Variants in WDR59 observed in about 807,000 individuals in gnomAD.
WDR59 encodes the protein WD repeat domain 59, also known as GATOR2 complex protein WDR59.
In WDR59, 100 loss-of-function variants were observed where a neutral mutation model predicts 131.2. That is an observed-to-expected ratio of 0.76 (90% CI 0.65 to 0.90). The LOEUF (loss-of-function observed/expected upper bound fraction) is 0.90, where lower values mean the gene tolerates loss of function less well. Among genes scored for constraint, WDR59 ranks in the 40% least tolerant of loss-of-function variants. The pLI is 0.00. For synonymous variants in WDR59, 601 were observed against 466.2 expected (o/e 1.29, Z -3.72); for missense variants, 1,203 against 1,262.2 (o/e 0.95, Z 0.71).
At chr16:74,913,766 CG>C (rs1473720663) in intron 13 of WDR59, among the ~76,000 whole-genome samples, 3 of 152,008 alleles carry the variant, frequency 2.0e-5, no homozygotes, top group African/African-American at 7.3e-5. Context: ...GGGATTGCCA[CG>C]GGCTGAGGGA....
At chr16:74,943,472 C>G (rs988676618) in intron 6 of WDR59, among the ~76,000 whole-genome samples, 1 of 152,172 alleles carries the variant, frequency 6.6e-6, no homozygotes, top group African/African-American at 2.4e-5. Flanking sequence ...TCTGCCAATA[C>G]AGAGTGTCAT....
At position 74,959,470 on chromosome 16, in the gene WDR59, A is replaced by T. The variant is rs568254212; in HGVS notation, c.105-2860T>A. The T allele has an allele frequency of 1.2e-4, 52 of 438,286 alleles. 1 individual carries two copies. Among genetic ancestry groups the T allele is most frequent in the South Asian group, 8.3e-4 (51 of 61,742 alleles). The allele number at this position is 438,286 out of a possible 1,614,324, so 27.1% of individuals were successfully genotyped here. On this transcript the variant is annotated intron_variant, in intron 2 of 25. Coordinates refer to ENST00000262144, the MANE Select transcript of WDR59 (RefSeq NM_030581.4). The stretch of plus-strand genomic sequence containing the variant: ...GATAGGGACTAATGCAACAGAAAGG[A>T]AAAAAGCCTTCATGGTTGGAAGCAG...
At position 74,980,478 on chromosome 16, in the gene WDR59, C is replaced by T. The variant is rs549708543; in HGVS notation, c.54+4486G>A. ...AAGTGACTCTCCTGCCTCAGCCTCC[C>T]GAGTAGGTGGAATTACAGGCACACG... On this transcript the variant is annotated intron_variant, in intron 1 of 25. Transcript: ENST00000262144. 2.0e-4 allele frequency among the ~76,000 whole-genome samples: 30 copies of T among 151,114 alleles called. No homozygotes were observed. The East Asian group carries it at 3.8e-3, about 19-fold the overall frequency.
At chr16:74,974,018 A>G (rs2034089714) in intron 1 of WDR59, among the ~76,000 whole-genome samples, 1 of 152,144 alleles carries the variant, frequency 6.6e-6, no homozygotes, top group Non-Finnish European at 1.5e-5. Flanking sequence ...AAAAATACAA[A>G]AATTAGCTGG....
chr16:74,885,582 T>G, intron 25 of WDR59, 71 bp downstream of exon 25: 15 of 1,522,986 alleles, frequency 9.8e-6, no homozygotes, highest in Non-Finnish European at 1.2e-5. Context: ...ATTCCAAGTC[T>G]GAGGCTGTGG....
chr16:74,915,249 C>T (rs947605842), intron 13 of WDR59, among the ~76,000 whole-genome samples: 3 of 152,104 alleles, frequency 2.0e-5, no homozygotes, highest in Non-Finnish European at 4.4e-5. Flanking sequence ...TGCCAAATCA[C>T]TAAGCCTCCA....
chr16:74,965,847 T>C lies in WDR59; in HGVS notation c.55-25A>G, dbSNP rs765076264. ...CCTGAGAGAGAGAACACAGAGTCAGTGCTGCCAGCAAACCCAGCCGGGGAT... is the reference window on the plus strand; with the variant it reads ...CCTGAGAGAGAGAACACAGAGTCAGCGCTGCCAGCAAACCCAGCCGGGGAT... On this transcript the variant is annotated intron_variant, in intron 1 of 25. Transcript: ENST00000262144. 6.2e-6 allele frequency: 10 copies of C among 1,613,942 alleles called. No homozygotes were observed. The Admixed American group carries it at 1.0e-4, about 16-fold the overall frequency.
chr16:74,952,990 G>T (rs568595130), intron 3 of WDR59, among the ~76,000 whole-genome samples: 46 of 152,114 alleles, frequency 3.0e-4, no homozygotes, highest in Non-Finnish European at 5.6e-4. Flanking sequence ...TGGAGGGTCT[G>T]CTAGTGCCAG....
chr16:74,949,978 C>A, intron 4 of WDR59, 180 bp from the exon 5 acceptor site: 1 of 668,116 alleles, frequency 1.5e-6, no homozygotes, highest in Non-Finnish European at 2.8e-6. Context: ...TGGAAGGAAA[C>A]TGTCAGGTCC....
chr16:74,945,334 G>A (rs990612631), intron 6 of WDR59, among the ~76,000 whole-genome samples: 8 of 151,384 alleles, frequency 5.3e-5, no homozygotes, highest in East Asian at 2.0e-4. Flanking sequence ...AAAATTAGCC[G>A]GGCATGGTGG....
chr16:74,906,125 T>A (rs1965800891), intron 17 of WDR59, among the ~76,000 whole-genome samples: 1 of 151,674 alleles, frequency 6.6e-6, no homozygotes, highest in South Asian at 2.1e-4. Context: ...CCATCCTGGC[T>A]AACACGGTGA....
intron 11 of WDR59, among the ~76,000 whole-genome samples, chr16:74,916,763 G>A (rs1021016591): frequency 1.3e-5 from 2 of 151,710 alleles, no homozygotes; most frequent in Non-Finnish European, 2.9e-5. Flanking sequence ...GGAGGCTGAG[G>A]CAGGAGAATC....
Position 74,881,372 on chromosome 16 carries a change from T to G in WDR59, c.2689+4281A>C, listed in dbSNP as rs576141459. ...GTATTTTTTTTCTTTAATTTTTTTT[T>G]TTTTAGAGACAGTTTCTCCATGTTG... On this transcript the variant is annotated intron_variant, in intron 25 of 25. Transcript: ENST00000262144. Among the ~76,000 whole-genome samples the G allele has an allele frequency of 2.0e-5, 3 of 152,192 alleles. No individual in the cohort carries two copies. In the South Asian group the frequency reaches 6.2e-4, roughly 32 times the overall value.
At chr16:74,964,747 T>C (rs1035554414) in intron 2 of WDR59, among the ~76,000 whole-genome samples, 1 of 152,064 alleles carries the variant, frequency 6.6e-6, no homozygotes, top group East Asian at 1.9e-4. Flanking sequence ...AAGGGGACCA[T>C]GACCATCAAA....
rs1416909876 is a variant in WDR59 at position 74,885,651 on chromosome 16, A to C, written c.2689+2T>G. ...AAGGAAGAGAGAGAAATTCATACTC[A>C]CCGATCCCTTTGTGAGGGTCAGGAG... On this transcript the variant is annotated splice_donor_variant, in intron 25 of 25. Transcript: ENST00000262144. LOFTEE classifies it high-confidence loss of function. 6 of 1,613,796 alleles carry C rather than the reference A, an allele frequency of 3.7e-6. No individual in the cohort carries two copies. Among genetic ancestry groups the C allele is most frequent in the Non-Finnish European group, 5.1e-6 (6 of 1,179,910 alleles).
intron 6 of WDR59, among the ~76,000 whole-genome samples, chr16:74,945,594 T>G (rs1261756823): frequency 1.3e-5 from 2 of 152,102 alleles, no homozygotes; most frequent in African/African-American, 4.8e-5. Context: ...GCAGCCAGTC[T>G]ATGTCTCAGA....
chr16:74,913,434 TTTGTTG>T (rs369822780), intron 13 of WDR59, among the ~76,000 whole-genome samples: 1 of 151,780 alleles, frequency 6.6e-6, no homozygotes, highest in Non-Finnish European at 1.5e-5. Flanking sequence ...AAATCTTTGT[TTTGTTG>T]TTGTTGTTGT....
chr16:74,936,398 C>T (rs909707239), intron 8 of WDR59, among the ~76,000 whole-genome samples: 51 of 152,164 alleles, frequency 3.4e-4, no homozygotes, highest in African/African-American at 1.2e-3. Flanking sequence ...ACCTAGGAAA[C>T]CCCAGACTCA....
chr16:74,971,623 G>C (rs59305313), intron 1 of WDR59, among the ~76,000 whole-genome samples: 61,512 of 151,282 alleles, frequency 0.41, 14,552 homozygotes, highest in Non-Finnish European at 0.54. Flanking sequence ...AATAGAGATG[G>C]GGTTTCACCA....
Sources: gnomAD v4.1 joint callset for allele counts (sites outside exome capture counted in the v4.1 genomes callset) on GRCh38, gnomAD v4.1.1 for gene constraint, MANE v1.5 for transcripts, NCBI Gene and HGNC (gene_info 2026-07-23, HGNC 2026-07-21) for gene names.